Variants in SMYD3 observed in about 807,000 individuals in gnomAD.
SMYD3 encodes the protein histone-lysine N-methyltransferase SMYD3.
In SMYD3, 36 loss-of-function variants were observed where a neutral mutation model predicts 57.7. The observed-to-expected ratio is 0.62, with a 90% confidence interval of 0.48 to 0.82. The LOEUF (loss-of-function observed/expected upper bound fraction) is 0.82. SMYD3 is among the 40% of genes least tolerant of loss of function. The pLI is 0.00. For missense variants in SMYD3, 515 were observed against 538.8 expected, an observed-to-expected ratio of 0.96 and a Z score of 0.44; for synonymous variants, 211 against 195.0, an observed-to-expected ratio of 1.08 and a Z score of -0.68.
chr1:245,984,745 A>T (rs1166935929), intron 5 of SMYD3, among the ~76,000 whole-genome samples: 1 of 152,188 alleles, frequency 6.6e-6, no homozygotes, highest in African/African-American at 2.4e-5. Context: ...CTCTCCTTTC[A>T]TATTGCTTCT....
rs1008976322 is a variant in SMYD3 at position 246,070,349 on chromosome 1, T to A, written c.532-140412A>T. ...ATCTAATATCGATTAGGTCCAAATA[T>A]ACTCTCTTGGTGTTTTAGCCAGAAA... On this transcript the variant is annotated intron_variant, in intron 5 of 11. Coordinates refer to ENST00000490107, the MANE Select transcript of SMYD3 (RefSeq NM_001167740.2). Among the ~76,000 whole-genome samples, 5 of 152,214 alleles carry A rather than the reference T, an allele frequency of 3.3e-5. No individual in the cohort carries two copies. In the East Asian group the frequency reaches 9.6e-4, roughly 29 times the overall value.
At chr1:245,762,554 G>A (rs779039039) in intron 11 of SMYD3, among the ~76,000 whole-genome samples, 11 of 152,086 alleles carry the variant, frequency 7.2e-5, no homozygotes, top group East Asian at 1.9e-4. Context: ...TGCAACAGAC[G>A]GTGCGGTGTT....
chr1:245,972,338 T>C (rs894498082), intron 5 of SMYD3, among the ~76,000 whole-genome samples: 14 of 152,298 alleles, frequency 9.2e-5, no homozygotes, highest in Admixed American at 2.6e-4. Flanking sequence ...CATGGCTCTA[T>C]GACAACAACA....
At chr1:246,404,434 C>T (rs1406065004) in intron 1 of SMYD3, among the ~76,000 whole-genome samples, 1 of 152,248 alleles carries the variant, frequency 6.6e-6, no homozygotes. Flanking sequence ...CGGCACCCAC[C>T]TGCTAGACAA....
intron 5 of SMYD3, among the ~76,000 whole-genome samples, chr1:245,968,659 G>C (rs568066140): frequency 3.3e-5 from 5 of 152,204 alleles, no homozygotes; most frequent in Non-Finnish European, 5.9e-5. Context: ...CTTGTGACTC[G>C]GGGCAAGTTA....
chr1:246,503,181 G>A (rs1462603116), intron 1 of SMYD3, among the ~76,000 whole-genome samples: 1 of 152,064 alleles, frequency 6.6e-6, no homozygotes, highest in Non-Finnish European at 1.5e-5. Context: ...CCCTACCTCT[G>A]TCCCCCCGCT....
intron 5 of SMYD3, among the ~76,000 whole-genome samples, chr1:246,319,296 A>G (rs1462285645): frequency 3.9e-5 from 6 of 152,214 alleles, no homozygotes; most frequent in Admixed American, 1.3e-4. Flanking sequence ...AGCAGAGTAG[A>G]GAGATGTGGC....
intron 8 of SMYD3, among the ~76,000 whole-genome samples, chr1:245,903,843 C>T (rs1475613376): frequency 6.6e-6 from 1 of 152,184 alleles, no homozygotes. Context: ...GCAGGGGGGC[C>T]CTGGACCCTG....
chr1:246,438,519 G>A (rs1427386210), intron 1 of SMYD3, among the ~76,000 whole-genome samples: 1 of 151,974 alleles, frequency 6.6e-6, no homozygotes, highest in East Asian at 1.9e-4. Flanking sequence ...TTGATTCCAG[G>A]ACACCAACCC....
intron 5 of SMYD3, among the ~76,000 whole-genome samples, chr1:245,941,098 A>G (rs1312591219): frequency 6.6e-6 from 1 of 152,222 alleles, no homozygotes; most frequent in Non-Finnish European, 1.5e-5. Flanking sequence ...GAAATAAGAC[A>G]GGTAGACAAG....
In SMYD3 at chr1:245,939,188, T is replaced by C. The variant is rs1175038073; in HGVS notation, c.532-9251A>G. On this transcript the variant is annotated intron_variant, in intron 5 of 11. Transcript: ENST00000490107. ...AAAAAAATTTAAAAAAAAAAGAATG[T>C]GAAGAAAATAGATAATTTAGAAAAG... is the stretch of plus-strand genomic sequence containing the variant. Among the ~76,000 whole-genome samples the C allele has an allele frequency of 3.3e-5, 5 of 151,806 alleles. No homozygotes were observed. In the East Asian group the frequency reaches 5.8e-4, roughly 18 times the overall value.
At chr1:246,064,222 G>A (rs2060303612) in intron 5 of SMYD3, among the ~76,000 whole-genome samples, 1 of 152,032 alleles carries the variant, frequency 6.6e-6, no homozygotes, top group African/African-American at 2.4e-5. Flanking sequence ...TTCTCCACAG[G>A]CTCTTTGCCG....
intron 1 of SMYD3, among the ~76,000 whole-genome samples, chr1:246,486,554 C>T (rs568471192): frequency 6.6e-6 from 1 of 152,128 alleles, no homozygotes; most frequent in African/African-American, 2.4e-5. Flanking sequence ...TTGCTCTTCA[C>T]TAAAATCCTA....
At chr1:246,392,814 A>G (rs935335258) in intron 1 of SMYD3, among the ~76,000 whole-genome samples, 1 of 151,994 alleles carries the variant, frequency 6.6e-6, no homozygotes, top group Non-Finnish European at 1.5e-5. Context: ...AAGAAAAAAA[A>G]AAAACTCAAT....
rs545529972 is a variant in SMYD3, at chr1:246,397,763, G to A, written c.165-42669C>T. ...AAATCAGCCTCCCCACAAGCTCGGGGACCAGGGCTTTTCAAGGATAATTCA... is the reference window on the plus strand; with the variant it reads ...AAATCAGCCTCCCCACAAGCTCGGGAACCAGGGCTTTTCAAGGATAATTCA... On this transcript the variant is annotated intron_variant, in intron 1 of 11. Transcript: ENST00000490107. Among the ~76,000 whole-genome samples the A allele has an allele frequency of 2.6e-5, 4 of 152,214 alleles. 1 individual carries two copies. The highest frequency in any genetic ancestry group is 2.0e-4 in the Admixed American group (3 of 15,284).
At chr1:246,364,553 G>A (rs1415373508) in intron 1 of SMYD3, among the ~76,000 whole-genome samples, 1 of 152,180 alleles carries the variant, frequency 6.6e-6, no homozygotes, top group Non-Finnish European at 1.5e-5. Context: ...AGTACACACT[G>A]CTAAGGCATC....
intron 7 of SMYD3, among the ~76,000 whole-genome samples, chr1:245,921,437 T>A (rs2055922231): frequency 6.6e-6 from 1 of 151,958 alleles, no homozygotes; most frequent in Non-Finnish European, 1.5e-5. Context: ...AGAAAATAAG[T>A]CATTCTACCA....
intron 5 of SMYD3, among the ~76,000 whole-genome samples, chr1:246,324,546 G>A (rs189097477): frequency 6.6e-6 from 1 of 151,934 alleles, no homozygotes; most frequent in African/African-American, 2.4e-5. Context: ...TGTTTATTGA[G>A]GCCAGGTATA....
chr1:246,215,089 T>G (rs1241392335), intron 5 of SMYD3, among the ~76,000 whole-genome samples: 1 of 152,150 alleles, frequency 6.6e-6, no homozygotes, highest in Non-Finnish European at 1.5e-5. Context: ...GCCACACGCA[T>G]GTGGAAGAGA....
Sources: allele counts gnomAD v4.1 joint callset (sites outside exome capture counted in the v4.1 genomes callset), GRCh38; gene constraint gnomAD v4.1.1; transcripts MANE v1.5; gene names NCBI Gene and HGNC (gene_info 2026-07-23, HGNC 2026-07-21).